The following OAS1 variants were observed in gnomAD, a reference collection of about 807,000 sequenced individuals.
OAS1 encodes the protein 2'-5'-oligoadenylate synthetase 1, also known as 2'-5'-oligoadenylate synthase 1.
A neutral mutation model predicts 38.5 loss-of-function variants in OAS1; 24 were observed. The ratio of observed to expected loss-of-function variants is 0.62; its 90% CI spans 0.45 to 0.88. OAS1 has a LOEUF of 0.88. Ranked by LOEUF, OAS1 falls within the 40% of genes least tolerant of loss-of-function variation. The pLI, the probability that OAS1 is intolerant of heterozygous loss-of-function variation, is 0.00. For missense variants in OAS1, 482 were observed against 493.9 expected (o/e 0.98, Z 0.23); for synonymous variants, 169 against 193.9 (o/e 0.87, Z 1.07).
rs1257602651 is a variant in OAS1 at position 112,908,688 on chromosome 12, A to G, written c.333A>G (p.Arg111=). 6.2e-6 allele frequency: 10 copies of G among 1,614,056 alleles called. No individual in the cohort carries two copies. The highest frequency in any genetic ancestry group is 8.5e-6 in the Non-Finnish European group (10 of 1,180,038). Residue 111 remains arginine (R), a synonymous_variant, in exon 2 of 6, where the codon AGA becomes AGG. Transcript: ENST00000202917. ...EIRRQLEACQ[R]ERAFSVKFEV... The stretch of plus-strand genomic sequence containing the variant: ...GGAGACAGCTGGAAGCCTGTCAAAG[A>G]GAGAGAGCATTTTCCGTGAAGTTTG...
intron 6 of OAS1, among the ~76,000 whole-genome samples, chr12:112,926,427 C>G (rs1219117671): frequency 1.3e-5 from 2 of 152,104 alleles, no homozygotes; most frequent in Non-Finnish European, 2.9e-5. Context: ...GTCGGCTGGT[C>G]TGAGAAATAA....
At position 112,919,660 on chromosome 12, in the gene OAS1, G is replaced by T. The variant is rs144699106; in HGVS notation, c.*107G>T. On this transcript the variant is annotated 3_prime_UTR_variant, in exon 6 of 6. Transcript: ENST00000202917. ...GAGGACAAAGCTCCTCAGTGAGCTGGTGTATAATCCAGGACAGAACCCAGG... is the reference window on the plus strand; with the variant it reads ...GAGGACAAAGCTCCTCAGTGAGCTGTTGTATAATCCAGGACAGAACCCAGG... 5.7e-6 allele frequency: 9 copies of T among 1,588,740 alleles called. No homozygotes were observed. The African/African-American group carries it at 1.1e-4, about 19-fold the overall frequency.
At chr12:112,907,510 G>A (rs372433785) in intron 1 of OAS1, 1 of 332,720 alleles carries the variant, frequency 3.0e-6, no homozygotes, top group East Asian at 4.7e-5. Context: ...TCAGAAATAG[G>A]GAACTGAATC....
At chr12:112,911,568 A>G (rs549360343) in intron 3 of OAS1, among the ~76,000 whole-genome samples, 1 of 152,336 alleles carries the variant, frequency 6.6e-6, no homozygotes, top group Non-Finnish European at 1.5e-5. Flanking sequence ...ACGCACACAC[A>G]CACAGAGAGA....
intron 5 of OAS1, 148 bp from the exon 6 acceptor site, chr12:112,919,241 T>G: frequency 2.7e-6 from 2 of 732,196 alleles, no homozygotes; most frequent in Non-Finnish European, 4.5e-6. Flanking sequence ...GTCTGTCTGC[T>G]GACCACTGTC....
chr12:112,917,534 T>C lies in OAS1; in HGVS notation c.885-13T>C. 6.2e-7 allele frequency: 1 copy of C among 1,613,884 alleles called. No individual in the cohort carries two copies. Among genetic ancestry groups the C allele is most frequent in the Non-Finnish European group, 8.5e-7 (1 of 1,179,982 alleles). On this transcript the variant is annotated splice_polypyrimidine_tract_variant and intron_variant, in intron 4 of 5. Transcript: ENST00000202917. ...AGCTTCTCACCTGTCCCTCTCTAAA[T>C]GCTGCTCTGCAGGCCTGTGATCCTG...
At chr12:112,920,015 T>G (rs1233448732), downstream of OAS1, 2 of 263,200 alleles carry the variant, frequency 7.6e-6, no homozygotes, top group Non-Finnish European at 1.5e-5. Context: ...TATTGAGCAC[T>G]TACTATGTGC....
rs755685126 is a variant in OAS1, at chr12:112,916,649, C to T, written c.795C>T (p.Tyr265=). The T allele has an allele frequency of 6.2e-7, 1 of 1,614,014 alleles. No homozygotes were observed. Among genetic ancestry groups the T allele is most frequent in the East Asian group, 2.2e-5 (1 of 44,900 alleles). ...FRTVLELVIN[Y]QQLCIYWTKY... ...CGGTCTTGGAATTAGTCATAAACTACCAGCAACTCTGCATCTACTGGACAA... is the reference window on the plus strand; with the variant it reads ...CGGTCTTGGAATTAGTCATAAACTATCAGCAACTCTGCATCTACTGGACAA... Residue 265 remains tyrosine (Y), a synonymous_variant, in exon 4 of 6, where the codon TAC becomes TAT. Coordinates refer to ENST00000202917, the MANE Select transcript of OAS1 (RefSeq NM_016816.4).
chr12:112,923,433 G>A (rs2043542094), downstream of OAS1, among the ~76,000 whole-genome samples: 1 of 152,164 alleles, frequency 6.6e-6, no homozygotes, highest in Non-Finnish European at 1.5e-5. Flanking sequence ...ATATTGCATC[G>A]TGATTTTGAT....
At chr12:112,923,731 C>T (rs2043543910), downstream of OAS1, among the ~76,000 whole-genome samples, 1 of 152,134 alleles carries the variant, frequency 6.6e-6, no homozygotes, top group African/African-American at 2.4e-5. Flanking sequence ...GTCCAAGTTG[C>T]CTATTTTTGC....
At chr12:112,909,801 A>C (rs1259422340) in intron 2 of OAS1, among the ~76,000 whole-genome samples, 1 of 152,240 alleles carries the variant, frequency 6.6e-6, no homozygotes, top group Non-Finnish European at 1.5e-5. Flanking sequence ...ATGCGATGAC[A>C]TCTGTCACAC....
At chr12:112,920,450 T>G (rs1453327312), downstream of OAS1, among the ~76,000 whole-genome samples, 1 of 152,254 alleles carries the variant, frequency 6.6e-6, no homozygotes, top group African/African-American at 2.4e-5. Flanking sequence ...ATGACAATTT[T>G]TAAATATATT....
chr12:112,923,334 G>A (rs2043541479), downstream of OAS1, among the ~76,000 whole-genome samples: 1 of 152,204 alleles, frequency 6.6e-6, no homozygotes, highest in South Asian at 2.1e-4. Flanking sequence ...CCAACAGTGT[G>A]CAAGAGTTCC....
chr12:112,915,984 G>A (rs1056856510), intron 3 of OAS1, among the ~76,000 whole-genome samples: 1 of 152,180 alleles, frequency 6.6e-6, no homozygotes, highest in African/African-American at 2.4e-5. Context: ...AAAATTATGT[G>A]TGAAATAATT....
At chr12:112,928,148 G>A (rs2043572093) in intron 6 of OAS1, among the ~76,000 whole-genome samples, 1 of 152,204 alleles carries the variant, frequency 6.6e-6, no homozygotes, top group Non-Finnish European at 1.5e-5. Flanking sequence ...GTAGTCCTCT[G>A]TCCCTTCAAG....
intron 1 of OAS1, among the ~76,000 whole-genome samples, chr12:112,907,965 T>C (rs1433895352): frequency 6.6e-6 from 1 of 152,220 alleles, no homozygotes; most frequent in Non-Finnish European, 1.5e-5. Flanking sequence ...CTGTGCAACT[T>C]CCCTTACCTT....
chr12:112,930,591 C>T (rs1224107755), intron 6 of OAS1, among the ~76,000 whole-genome samples: 1 of 152,224 alleles, frequency 6.6e-6, no homozygotes, highest in Non-Finnish European at 1.5e-5. Context: ...CTCCTACAGC[C>T]CCCTCCTCAG....
At position 112,916,601 on chromosome 12, in the gene OAS1, C is replaced by G. The variant is rs756683848; in HGVS notation, c.747C>G (p.Phe249Leu). ...AGCGAGGGAGCATGAAAACACATTT[C>G]AACACAGCCCAGGGATTTCGGACGG... The part of the protein sequence containing the change: ...AWERGSMKTH[F>L]NTAQGFRTVL... The change falls in exon 4 of 6, where the codon TTC becomes TTG. Residue 249 changes from phenylalanine to leucine, a missense_variant. By Grantham distance (22) the Phe-to-Leu change is conservative. Transcript: ENST00000202917. 4 of 1,614,192 alleles carry G rather than the reference C, an allele frequency of 2.5e-6. No homozygotes were observed. The highest frequency in any genetic ancestry group is 2.5e-6 in the Non-Finnish European group (3 of 1,180,032).
downstream of OAS1, among the ~76,000 whole-genome samples, chr12:112,922,285 C>G (rs74900480): frequency 3.9e-5 from 6 of 152,202 alleles, no homozygotes; most frequent in Non-Finnish European, 7.4e-5. Flanking sequence ...CTGGGTTGGT[C>G]AGTTCCAAAA....
Sources: gnomAD v4.1 joint callset for allele counts (sites outside exome capture counted in the v4.1 genomes callset) on GRCh38, gnomAD v4.1.1 for gene constraint, MANE v1.5 for transcripts, NCBI Gene and HGNC (gene_info 2026-07-23, HGNC 2026-07-21) for gene names.